The following KMT2E variants were observed in gnomAD, a reference collection of about 807,000 sequenced individuals.
The protein encoded by KMT2E is histone reader KMT2E.
In KMT2E, 30 loss-of-function variants were observed where a neutral mutation model predicts 184.6. The ratio of observed to expected loss-of-function variants is 0.16; its 90% CI spans 0.12 to 0.22. The LOEUF (loss-of-function observed/expected upper bound fraction) is 0.22, where lower values mean the gene tolerates loss of function less well. Ranked by LOEUF, KMT2E falls within the 10% of genes least tolerant of loss-of-function variation. The pLI, the probability that KMT2E is intolerant of heterozygous loss-of-function variation, is 1.00. For missense variants in KMT2E, 2,023 were observed against 2,237.4 expected (o/e 0.90, Z 1.93); for synonymous variants, 815 against 776.5 (o/e 1.05, Z -0.82).
chr7:105,102,131 A>G lies in KMT2E; in HGVS notation c.2133A>G (p.Ile711Met), dbSNP rs149308331. The G allele has an allele frequency of 1.9e-6, 3 of 1,612,776 alleles. No individual in the cohort carries two copies. In the African/African-American group the frequency reaches 4.0e-5, roughly 22 times the overall value. Residue 711 changes from isoleucine to methionine, a missense_variant, in exon 17 of 27, where the codon ATA becomes ATG. Coordinates refer to ENST00000311117, the MANE Select transcript of KMT2E (RefSeq NM_182931.3). The stretch of plus-strand genomic sequence containing the variant: ...AAACTGAAACTGCACTAGCAGAAAT[A>G]ATTACTGAAACTGAAGTTCCAGCAC... ...EPETETALAE[I>M]ITETEVPALN... is the part of the protein sequence containing the mutation.
chr7:105,063,256 A>G, intron 4 of KMT2E, 95 bp from the exon 5 acceptor site: 3 of 877,294 alleles, frequency 3.4e-6, no homozygotes, highest in Non-Finnish European at 3.5e-6. Context: ...TCTCTTGAGT[A>G]TTGAAATTAA....
chr7:105,107,960 G>GTTTTT (rs34102092), intron 22 of KMT2E, 35 bp downstream of exon 22: 43 of 1,170,422 alleles, frequency 3.7e-5, no homozygotes, highest in Middle Eastern at 2.2e-4. Flanking sequence ...CCTTTTAATA[G>GTTTTT]TTTTTTTTTT....
intron 1 of KMT2E, among the ~76,000 whole-genome samples, chr7:105,034,101 C>T (rs966140290): frequency 6.6e-6 from 1 of 152,180 alleles, no homozygotes; most frequent in Admixed American, 6.5e-5. Context: ...ACATCGTAAC[C>T]TTGCTTCACT....
Position 105,105,974 on chromosome 7 carries a change from T to C in KMT2E, c.2567T>C (p.Leu856Pro). 2 of 1,610,926 alleles carry C rather than the reference T, an allele frequency of 1.2e-6. No individual in the cohort carries two copies. The highest frequency in any genetic ancestry group is 1.7e-6 in the Non-Finnish European group (2 of 1,179,172). ...PAVNGENKSP[L>P]LLNDSCSLPD... ...GTCAATGGTGAAAATAAAAGTCCAC[T>C]ACTATTAAATGACAGCTGTTCCCTT... Residue 856 changes from leucine (L) to proline (P), a missense_variant, in exon 19 of 27, where the codon CTA becomes CCA. This residue lies in a region of KMT2E where 514 missense variants were observed against 621.8 expected (regional missense o/e 0.83). Coordinates refer to ENST00000311117, the MANE Select transcript of KMT2E (RefSeq NM_182931.3).
In KMT2E at chr7:105,014,360, CCT is replaced by C. The variant is rs1293351367; in HGVS notation, c.-362_-361del. ...CTGCCTGGCTGCCCCCTCCCCTACT[CCT>C]CGGTTCCTGGTGAAGAGGCTGCGCG... On this transcript the variant is annotated 5_prime_UTR_variant, in exon 1 of 27. Transcript: ENST00000311117. 1 of 154,840 alleles carries C rather than the reference CCT, an allele frequency of 6.5e-6. No homozygotes were observed. The highest frequency in any genetic ancestry group is 1.4e-5 in the Non-Finnish European group (1 of 69,722). 9.6% of individuals were successfully genotyped at this position (154,840 alleles called of 1,614,324 possible). A position where few individuals can be genotyped will look rare whatever the true frequency, so the allele number is the denominator to read the frequency against.
Position 105,054,454 on chromosome 7 carries a change from GTCTGTCTATCTATCTA to G in KMT2E, c.72-7706_72-7691del, listed in dbSNP as rs1342642426. 2.9e-3 allele frequency among the ~76,000 whole-genome samples: 321 copies of G among 109,208 alleles called. 3 individuals are homozygous for G. Among genetic ancestry groups the G allele is most frequent in the Middle Eastern group, 9.2e-3 (2 of 218 alleles). The allele number at this position is 109,208 out of a possible 152,430, so 71.6% of individuals were successfully genotyped here. On this transcript the variant is annotated intron_variant, in intron 3 of 26. Transcript: ENST00000311117. ...GTTGTAAAAGCAAGTTGCTCTGTCT[GTCTGTCTATCTATCTA>G]TCTATCTATCTATCTATCTATCTAT...
intron 15 of KMT2E, among the ~76,000 whole-genome samples, chr7:105,092,219 C>G (rs1187742952): frequency 6.6e-6 from 1 of 152,148 alleles, no homozygotes; most frequent in East Asian, 1.9e-4. Context: ...AGTTCAAGAC[C>G]AGCCTGGTCA....
chr7:105,081,431 T>TATC (rs1313281419), intron 12 of KMT2E, among the ~76,000 whole-genome samples: 2 of 150,230 alleles, frequency 1.3e-5, no homozygotes, highest in Non-Finnish European at 3.0e-5. Context: ...TTTTTATTAT[T>TATC]ATTATTATTA....
At chr7:105,071,042 T>A (rs1414098803) in intron 6 of KMT2E, among the ~76,000 whole-genome samples, 5 of 152,152 alleles carry the variant, frequency 3.3e-5, no homozygotes, top group African/African-American at 4.8e-5. Flanking sequence ...TATATGTAGA[T>A]ATGTATCTAT....
rs76317038 is a variant in KMT2E, at chr7:105,102,670, C to T, written c.2196+476C>T. 143 of 153,894 alleles carry T rather than the reference C, an allele frequency of 9.3e-4. 2 individuals carry two copies. In the East Asian group the frequency reaches 0.023, roughly 25 times the overall value. 9.5% of individuals were successfully genotyped at this position (153,894 alleles called of 1,614,324 possible). A position where few individuals can be genotyped will look rare whatever the true frequency, so the allele number is the denominator to read the frequency against. ...CACTACTGTCAGACTTAAGCAATTACGGTAAACAGCCTGAGCTTTTTCAGA... is the reference window on the plus strand; with the variant it reads ...CACTACTGTCAGACTTAAGCAATTATGGTAAACAGCCTGAGCTTTTTCAGA... On this transcript the variant is annotated intron_variant, in intron 17 of 26. Transcript: ENST00000311117.
At chr7:105,029,007 A>G (rs565674001) in intron 1 of KMT2E, among the ~76,000 whole-genome samples, 6 of 152,192 alleles carry the variant, frequency 3.9e-5, no homozygotes, top group African/African-American at 1.2e-4. Flanking sequence ...GCTCATGTCT[A>G]TAATCCCAGC....
chr7:105,091,116 G>C, intron 14 of KMT2E, 100 bp from the exon 15 acceptor site: 3 of 596,828 alleles, frequency 5.0e-6, no homozygotes, highest in Admixed American at 6.7e-5. Context: ...CTGTGTACAT[G>C]TTGAATTTGT....
chr7:105,101,785 A>T (rs1798665941), intron 16 of KMT2E, 101 bp from the exon 17 acceptor site: 1 of 1,115,552 alleles, frequency 9.0e-7, no homozygotes, highest in South Asian at 1.7e-5. Context: ...CAGAATTCAA[A>T]AATTCCAGAA....
At chr7:105,090,993 G>C (rs1798179460) in intron 14 of KMT2E, among the ~76,000 whole-genome samples, 1 of 152,056 alleles carries the variant, frequency 6.6e-6, no homozygotes, top group African/African-American at 2.4e-5. Flanking sequence ...GACCTATATT[G>C]ATAAAAACTT....
chr7:105,068,664 A>G (rs1797155093), intron 6 of KMT2E, among the ~76,000 whole-genome samples: 1 of 127,624 alleles, frequency 7.8e-6, no homozygotes, highest in Admixed American at 8.5e-5. Flanking sequence ...TTGTAGGCAC[A>G]GGGTTTCACC....
chr7:105,086,267 T>C (rs1253352497), intron 13 of KMT2E, among the ~76,000 whole-genome samples: 1 of 152,170 alleles, frequency 6.6e-6, no homozygotes, highest in Non-Finnish European at 1.5e-5. Context: ...GGTAGGAACA[T>C]AGTATGTACA....
intron 6 of KMT2E, among the ~76,000 whole-genome samples, chr7:105,072,071 G>C (rs770731010): frequency 2.0e-5 from 3 of 151,990 alleles, no homozygotes; most frequent in East Asian, 3.9e-4. Flanking sequence ...CAGCACTTTG[G>C]GGGAGGCCCA....
At position 105,091,239 on chromosome 7, in the gene KMT2E, A is replaced by G. The variant is rs751208226; in HGVS notation, c.1647A>G (p.Ile549Met). Residue 549 changes from isoleucine to methionine, a missense_variant, in exon 15 of 27, where the codon ATA becomes ATG. Physicochemically the swap from Ile to Met is conservative, Grantham distance 10. Around this residue, in one of 8 missense-constraint regions of KMT2E, gnomAD observed 514 missense variants for 621.8 expected, o/e 0.83. Transcript: ENST00000311117. ...NNQEPDFIDD[I>M]EEKTPISNEV... ...AGGAACCAGATTTTATTGATGATATAGAAGAAAAAACTCCTATTAGTAATG... is the reference window on the plus strand; with the variant it reads ...AGGAACCAGATTTTATTGATGATATGGAAGAAAAAACTCCTATTAGTAATG... 3 of 1,571,580 alleles carry G rather than the reference A, an allele frequency of 1.9e-6. No homozygotes were observed. The highest frequency in any genetic ancestry group is 3.4e-5 in the Admixed American group (2 of 59,386).
chr7:105,106,882 A>G, intron 20 of KMT2E, 110 bp downstream of exon 20: 3 of 1,109,722 alleles, frequency 2.7e-6, no homozygotes, highest in Non-Finnish European at 3.9e-6. Flanking sequence ...TACAAAAAAA[A>G]GGTTGTAAGA....
Sources: gnomAD v4.1 joint callset for allele counts (sites outside exome capture counted in the v4.1 genomes callset) on GRCh38, gnomAD v4.1.1 for gene constraint, gnomAD v4.1.1 regional missense constraint, MANE v1.5 for transcripts, NCBI Gene and HGNC (gene_info 2026-07-23, HGNC 2026-07-21) for gene names.